Variants in SCN8A observed in about 807,000 individuals in gnomAD.
The protein encoded by SCN8A is sodium channel protein type 8 subunit alpha.
A neutral mutation model predicts 184.1 loss-of-function variants in SCN8A; 30 were observed. That is an observed-to-expected ratio of 0.16 (90% confidence interval 0.12 to 0.22). SCN8A has a LOEUF of 0.22. SCN8A is among the 10% of genes least tolerant of loss of function. The pLI, the probability that SCN8A is intolerant of heterozygous loss-of-function variation, is 1.00. For missense variants in SCN8A, 1,057 were observed against 2,498.9 expected, an observed-to-expected ratio of 0.42 and a Z score of 12.30; for synonymous variants, 852 against 907.0, an observed-to-expected ratio of 0.94 and a Z score of 1.09.
chr12:51,597,468 C>T (rs1939374138), intron 1 of SCN8A, among the ~76,000 whole-genome samples: 1 of 152,110 alleles, frequency 6.6e-6, no homozygotes, highest in African/African-American at 2.4e-5. Flanking sequence ...GATCATCAAG[C>T]TTGTGAATTA....
At chr12:51,645,963 A>AGT (rs35442321) in intron 1 of SCN8A, among the ~76,000 whole-genome samples, 1 of 134,092 alleles carries the variant, frequency 7.5e-6, no homozygotes, top group African/African-American at 2.9e-5. Flanking sequence ...AAAAAAAAAA[A>AGT]AATAATAATA....
intron 2 of SCN8A, among the ~76,000 whole-genome samples, chr12:51,674,690 A>G (rs1353208620): frequency 1.3e-5 from 2 of 152,204 alleles, no homozygotes; most frequent in African/African-American, 2.4e-5. Context: ...GAGCTGAAGG[A>G]ATGGCAGTAC....
intron 1 of SCN8A, among the ~76,000 whole-genome samples, chr12:51,602,452 C>T (rs967363500): frequency 1.1e-4 from 17 of 152,048 alleles, no homozygotes; most frequent in Non-Finnish European, 1.6e-4. Flanking sequence ...TTGTGAGAAA[C>T]GGGTAGTGGA....
At chr12:51,675,086 G>A (rs557334693) in intron 2 of SCN8A, among the ~76,000 whole-genome samples, 34 of 152,336 alleles carry the variant, frequency 2.2e-4, no homozygotes, top group African/African-American at 8.2e-4. Flanking sequence ...CTTGCTTAGA[G>A]CAACTGTAGT....
intron 19 of SCN8A, among the ~76,000 whole-genome samples, chr12:51,772,797 G>A (rs138738715): frequency 0.092 from 12,322 of 133,296 alleles, 630 homozygotes; most frequent in Middle Eastern, 0.15. Context: ...TGGCTAACAC[G>A]GTGAAACCCC....
intron 2 of SCN8A, among the ~76,000 whole-genome samples, chr12:51,663,764 T>G (rs1398531660): frequency 1.3e-5 from 2 of 152,196 alleles, no homozygotes; most frequent in Non-Finnish European, 2.9e-5. Flanking sequence ...GACTAAATCT[T>G]CAGCTACTTT....
intron 2 of SCN8A, among the ~76,000 whole-genome samples, chr12:51,678,453 G>C (rs1239827629): frequency 6.6e-6 from 1 of 152,180 alleles, no homozygotes; most frequent in African/African-American, 2.4e-5. Flanking sequence ...ATGGTTTGCT[G>C]CTTTGTTGCA....
chr12:51,622,682 T>C (rs543162993), intron 1 of SCN8A, among the ~76,000 whole-genome samples: 27 of 152,326 alleles, frequency 1.8e-4, no homozygotes, highest in African/African-American at 6.3e-4. Flanking sequence ...GTTGTGTTAG[T>C]GTTTGCTAGG....
Position 51,705,634 on chromosome 12 carries a change from A to G in SCN8A, c.1341+11A>G. On this transcript the variant is annotated intron_variant, in intron 10 of 26. Transcript: ENST00000627620. ...CAGGAAGAGGCACAGGTTGGTGATG[A>G]ATTCTTTGCAATAGACCTTCCTGCC... 1 of 1,607,170 alleles carries G rather than the reference A, an allele frequency of 6.2e-7. No individual in the cohort carries two copies.
intron 11 of SCN8A, among the ~76,000 whole-genome samples, chr12:51,711,191 G>A (rs776037080): frequency 1.3e-5 from 2 of 152,164 alleles, no homozygotes; most frequent in Non-Finnish European, 2.9e-5. Flanking sequence ...CGCTGTTAAC[G>A]CTTTGCTATT....
intron 9 of SCN8A, among the ~76,000 whole-genome samples, chr12:51,703,833 C>A (rs1338263808): frequency 6.6e-6 from 1 of 152,136 alleles, no homozygotes; most frequent in Non-Finnish European, 1.5e-5. Context: ...TAATTCTTAC[C>A]TTTCTGTTGC....
chr12:51,724,993 G>A (rs1285269217), intron 12 of SCN8A, among the ~76,000 whole-genome samples: 1 of 151,974 alleles, frequency 6.6e-6, no homozygotes, highest in Non-Finnish European at 1.5e-5. Context: ...GGGTTTTGGG[G>A]GATCTACATA....
chr12:51,767,343 C>T (rs537030234), intron 16 of SCN8A, among the ~76,000 whole-genome samples: 3 of 152,210 alleles, frequency 2.0e-5, no homozygotes, highest in Admixed American at 6.5e-5. Context: ...ACCACTACCC[C>T]CTGATGACAC....
rs372757015 is a variant in SCN8A, at chr12:51,762,725, A to G, written c.2544+49A>G. The G allele has an allele frequency of 1.1e-3, 1,649 of 1,455,150 alleles. 6 individuals carry two copies. The highest frequency in any genetic ancestry group is 1.2e-3 in the Non-Finnish European group (1,329 of 1,082,386). The allele number at this position is 1,455,150 out of a possible 1,614,324, so 90.1% of individuals were successfully genotyped here. The stretch of plus-strand genomic sequence containing the variant: ...TTTTAACATTTCCTATCTTGCAGCT[A>G]CTAGAAAGAGTTCTGCATAAATTAA... On this transcript the variant is annotated intron_variant, in intron 15 of 26. Coordinates refer to ENST00000627620, the MANE Select transcript of SCN8A (RefSeq NM_001330260.2).
chr12:51,603,670 G>A (rs1939519575), intron 1 of SCN8A, among the ~76,000 whole-genome samples: 1 of 152,080 alleles, frequency 6.6e-6, no homozygotes, highest in South Asian at 2.1e-4. Context: ...TGAGAGTTCA[G>A]CAGCATATGC....
chr12:51,596,864 C>T (rs980699318), intron 1 of SCN8A, among the ~76,000 whole-genome samples: 1 of 151,902 alleles, frequency 6.6e-6, no homozygotes, highest in African/African-American at 2.4e-5. Flanking sequence ...TCTCCCATTG[C>T]CAACCTAGGT....
At chr12:51,789,058 G>A (rs906278063) in intron 23 of SCN8A, among the ~76,000 whole-genome samples, 6 of 152,046 alleles carry the variant, frequency 3.9e-5, no homozygotes, top group African/African-American at 1.4e-4. Context: ...CCCTCCCTGT[G>A]GCCTCATGAT....
At chr12:51,790,767 C>T (rs536397682) in intron 25 of SCN8A, among the ~76,000 whole-genome samples, 29 of 151,946 alleles carry the variant, frequency 1.9e-4, no homozygotes, top group African/African-American at 7.0e-4. Context: ...TGGCTTTGGC[C>T]CTAGTAGAGA....
At chr12:51,662,098 C>G (rs1343087787) in intron 1 of SCN8A, among the ~76,000 whole-genome samples, 1 of 152,186 alleles carries the variant, frequency 6.6e-6, no homozygotes. Context: ...TTTCTAGTTG[C>G]TAAGCAGGTG....
Sources: gnomAD v4.1 joint callset for allele counts (sites outside exome capture counted in the v4.1 genomes callset) on GRCh38, gnomAD v4.1.1 for gene constraint, MANE v1.5 for transcripts, NCBI Gene and HGNC (gene_info 2026-07-23, HGNC 2026-07-21) for gene names.